The following SFXN5 variants were observed in gnomAD, a reference collection of about 807,000 sequenced individuals.
SFXN5 encodes sideroflexin 5, also known as sideroflexin-5.
In SFXN5, 43 loss-of-function variants were observed where a neutral mutation model predicts 50.2. The observed-to-expected ratio is 0.86, with a 90% CI of 0.67 to 1.11. The LOEUF (loss-of-function observed/expected upper bound fraction) is 1.11. SFXN5 is among the 50% of genes least tolerant of loss of function. SFXN5 has a pLI of 0.00. For synonymous variants in SFXN5, 203 were observed against 185.8 expected (o/e 1.09, Z -0.75); for missense variants, 463 against 454.1 (o/e 1.02, Z -0.18).
chr2:73,005,550 T>C (rs1429159541), intron 6 of SFXN5, among the ~76,000 whole-genome samples: 1 of 152,232 alleles, frequency 6.6e-6, no homozygotes, highest in African/African-American at 2.4e-5. Flanking sequence ...CGCCTCAGCA[T>C]GCAGCCTGCA....
At chr2:73,069,843 C>G (rs1310350115) in intron 1 of SFXN5, among the ~76,000 whole-genome samples, 2 of 151,770 alleles carry the variant, frequency 1.3e-5, no homozygotes, top group Admixed American at 1.3e-4. Context: ...AAAGGAAACA[C>G]AAATCTTTTA....
chr2:72,991,062 G>A (rs1028644153), intron 9 of SFXN5, among the ~76,000 whole-genome samples: 1 of 152,228 alleles, frequency 6.6e-6, no homozygotes, highest in African/African-American at 2.4e-5. Context: ...ACGGAAGTGA[G>A]CAGAGAGGCT....
At chr2:72,967,599 C>T (rs934296919) in intron 12 of SFXN5, among the ~76,000 whole-genome samples, 10 of 152,120 alleles carry the variant, frequency 6.6e-5, no homozygotes, top group South Asian at 4.1e-4. Context: ...ATCCTTTGCC[C>T]CAGAACCCCA....
chr2:73,025,644 G>C lies in SFXN5; in HGVS notation c.250-2430C>G, dbSNP rs574901730. 1.7e-4 allele frequency among the ~76,000 whole-genome samples: 26 copies of C among 152,290 alleles called. No homozygotes were observed. The East Asian group carries it at 4.5e-3, about 26-fold the overall frequency. On this transcript the variant is annotated intron_variant, in intron 3 of 13. Transcript: ENST00000272433. ...CAGAAGATGTCACACATCTTTGAAA[G>C]GTGGTGAGCTGATGAAGAGATGAGC...
intron 11 of SFXN5, 119 bp from the exon 12 acceptor site, chr2:72,968,652 A>T: frequency 3.5e-5 from 27 of 773,774 alleles, no homozygotes; most frequent in Non-Finnish European, 4.6e-5. Context: ...GGCCTTATTC[A>T]TGGGATTGCT....
chr2:73,044,501 T>TA (rs1680061303), intron 2 of SFXN5: 1 of 152,388 alleles, frequency 6.6e-6, no homozygotes, highest in Non-Finnish European at 1.5e-5. Flanking sequence ...ATATCACAGA[T>TA]ACCTGGGAAA....
At chr2:72,969,258 G>A (rs1674865097) in intron 11 of SFXN5, among the ~76,000 whole-genome samples, 1 of 152,228 alleles carries the variant, frequency 6.6e-6, no homozygotes, top group Admixed American at 6.5e-5. Flanking sequence ...CCCATACTCA[G>A]TGTGCACAGG....
Position 72,979,408 on chromosome 2 carries a change from T to C in SFXN5, c.626-7723A>G, listed in dbSNP as rs549214372. On this transcript the variant is annotated intron_variant, in intron 10 of 13. Coordinates refer to ENST00000272433, the MANE Select transcript of SFXN5 (RefSeq NM_144579.3). The stretch of plus-strand genomic sequence containing the variant: ...CAGCACTTTGAGAGGCCAAGGCGGG[T>C]GGATCACCTGAGGTCAGGAGTTCAA... Among the ~76,000 whole-genome samples, 234 of 146,476 alleles carry C rather than the reference T, an allele frequency of 1.6e-3. 1 individual carries two copies. Among genetic ancestry groups the C allele is most frequent in the African/African-American group, 5.4e-3 (216 of 40,008 alleles).
At chr2:73,052,792 C>A (rs925971051) in intron 2 of SFXN5, among the ~76,000 whole-genome samples, 2 of 152,160 alleles carry the variant, frequency 1.3e-5, no homozygotes, top group African/African-American at 4.8e-5. Context: ...AAGATTTCTC[C>A]CTTTTGCTTC....
chr2:72,955,201 T>C (rs1672948272), intron 13 of SFXN5, among the ~76,000 whole-genome samples: 1 of 152,190 alleles, frequency 6.6e-6, no homozygotes, highest in South Asian at 2.1e-4. Flanking sequence ...TGACAGTTGG[T>C]GAAGAGGAGA....
Position 73,004,313 on chromosome 2 carries a change from GCGCACACA to G in SFXN5, c.358-2743_358-2736del, listed in dbSNP as rs1454783097. On this transcript the variant is annotated intron_variant, in intron 6 of 13. Coordinates refer to ENST00000272433, the MANE Select transcript of SFXN5 (RefSeq NM_144579.3). ...AGCCAGAGGAGAGGAATGAGTGCGCGCGCACACACACACACACACACACACACACACAC... is the reference window on the plus strand; with the variant it reads ...AGCCAGAGGAGAGGAATGAGTGCGCGCACACACACACACACACACACACAC... 2.4e-4 allele frequency among the ~76,000 whole-genome samples: 33 copies of G among 138,498 alleles called. No individual in the cohort carries two copies. The East Asian group carries it at 2.6e-3, about 11-fold the overall frequency. The allele number at this position is 138,498 out of a possible 152,430, so 90.9% of individuals were successfully genotyped here. A position where few individuals can be genotyped will look rare whatever the true frequency, so the allele number is the denominator to read the frequency against.
chr2:72,963,526 G>A (rs1674002316), intron 12 of SFXN5, among the ~76,000 whole-genome samples: 1 of 151,906 alleles, frequency 6.6e-6, no homozygotes, highest in Non-Finnish European at 1.5e-5. Context: ...GAACACAGTA[G>A]GACAGGGGGA....
chr2:73,071,567 C>T, intron 1 of SFXN5, 37 bp downstream of exon 1: 1 of 1,593,044 alleles, frequency 6.3e-7, no homozygotes, highest in Non-Finnish European at 8.6e-7. Context: ...CCTCTCTTTG[C>T]CACCCGCCGG....
rs750488310 is a variant in SFXN5, at chr2:73,001,585, G to A, written c.358-7C>T. 1.2e-6 allele frequency: 2 copies of A among 1,614,062 alleles called. No individual in the cohort carries two copies. ...GCAAGAGAAGACCGACTACCTATGAGCAAGAGAGAAGAAATGCTGAAAAAG... is the reference window on the plus strand; with the variant it reads ...GCAAGAGAAGACCGACTACCTATGAACAAGAGAGAAGAAATGCTGAAAAAG... On this transcript the variant is annotated splice_region_variant and splice_polypyrimidine_tract_variant and intron_variant, in intron 6 of 13. Coordinates refer to ENST00000272433, the MANE Select transcript of SFXN5 (RefSeq NM_144579.3).
intron 3 of SFXN5, among the ~76,000 whole-genome samples, chr2:73,024,023 A>C (rs919135917): frequency 1.4e-4 from 22 of 152,176 alleles, no homozygotes; most frequent in African/African-American, 4.6e-4. Flanking sequence ...CTATGACTGT[A>C]ATACCAAGAC....
At position 72,968,475 on chromosome 2, in the gene SFXN5, G is replaced by C. The variant is rs753905170; in HGVS notation, c.800C>G (p.Pro267Arg). 24 of 1,613,034 alleles carry C rather than the reference G, an allele frequency of 1.5e-5. No individual in the cohort carries two copies. The highest frequency in any genetic ancestry group is 3.4e-6 in the Non-Finnish European group (4 of 1,179,994). ...VVLPMPILVL[P>R]PIVMSMLEKT... ...CTCCAGCATGGACATGACGATCGGGGGTAGCACCAGGATGGGCATGGGCAG... is the reference window on the plus strand; with the variant it reads ...CTCCAGCATGGACATGACGATCGGGCGTAGCACCAGGATGGGCATGGGCAG... The change falls in exon 12 of 14, where the codon CCC becomes CGC. Residue 267 changes from proline (P) to arginine (R), a missense_variant. By Grantham distance (103) the Pro-to-Arg change is moderately radical. Coordinates refer to ENST00000272433, the MANE Select transcript of SFXN5 (RefSeq NM_144579.3).
At chr2:72,968,685 C>T (rs1433473743) in intron 11 of SFXN5, 152 bp from the exon 12 acceptor site, 2 of 482,202 alleles carry the variant, frequency 4.1e-6, no homozygotes, top group Admixed American at 8.0e-5. Context: ...TTCCAAACAA[C>T]AAAAAAAGCC....
intron 13 of SFXN5, among the ~76,000 whole-genome samples, chr2:72,947,823 A>ACCCCCCCC (rs1672132176): frequency 1.8e-5 from 1 of 56,574 alleles, no homozygotes; most frequent in Non-Finnish European, 3.8e-5. Context: ...CTCCCACCCC[A>ACCCCCCCC]CCCCTGCCAC....
rs1671838791 is a variant in SFXN5 at position 72,945,512 on chromosome 2, C to A, written c.946-413G>T. ...CAACTCCTTCCATCCAAACCCCACCCTCCTGGGCTCCTCAGTCGCCTGTCC... is the reference window on the plus strand; with the variant it reads ...CAACTCCTTCCATCCAAACCCCACCATCCTGGGCTCCTCAGTCGCCTGTCC... On this transcript the variant is annotated intron_variant, in intron 13 of 13. Transcript: ENST00000272433. The surrounding 1 kb of genome is among the most constrained non-coding windows in gnomAD (Gnocchi z 5.8). Among the ~76,000 whole-genome samples, 3 of 152,122 alleles carry A rather than the reference C, an allele frequency of 2.0e-5. No homozygotes were observed. The highest frequency in any genetic ancestry group is 2.0e-4 in the Admixed American group (3 of 15,278).
Sources: gnomAD v4.1 joint callset for allele counts (sites outside exome capture counted in the v4.1 genomes callset) on GRCh38, gnomAD v4.1.1 for gene constraint, Gnocchi (gnomAD v3.1) non-coding constraint, MANE v1.5 for transcripts, NCBI Gene and HGNC (gene_info 2026-07-23, HGNC 2026-07-21) for gene names.